Variants in CDH12 observed in about 807,000 individuals in gnomAD.
The protein encoded by CDH12 is cadherin-12.
Under a neutral mutation model 74.1 loss-of-function variants are expected in CDH12, and 41 were observed. That is an observed-to-expected ratio of 0.55 (90% confidence interval 0.43 to 0.72). The LOEUF is 0.72. Among genes scored for constraint, CDH12 ranks in the 30% least tolerant of loss-of-function variants. The pLI, the probability that CDH12 is intolerant of heterozygous loss-of-function variation, is 0.00. For missense variants in CDH12, 945 were observed against 977.2 expected (o/e 0.97, Z 0.44); for synonymous variants, 399 against 355.0 (o/e 1.12, Z -1.39).
Position 22,032,219 on chromosome 5 carries a change from G to C in CDH12, c.231+46227C>G, listed in dbSNP as rs186987412. ...TATAATGTGCATATCTAGTTAAAAAGAAATACATTCTGGGAATTACTGATA... is the reference window on the plus strand; with the variant it reads ...TATAATGTGCATATCTAGTTAAAAACAAATACATTCTGGGAATTACTGATA... On this transcript the variant is annotated intron_variant, in intron 5 of 14. Coordinates refer to ENST00000382254, the MANE Select transcript of CDH12 (RefSeq NM_004061.5). 6.1e-4 allele frequency among the ~76,000 whole-genome samples: 93 copies of C among 151,906 alleles called. 1 individual carries two copies. The highest frequency in any genetic ancestry group is 9.6e-4 in the Non-Finnish European group (65 of 67,954).
chr5:21,830,053 T>C lies in CDH12; in HGVS notation c.814+12108A>G, dbSNP rs564702359. ...ATCTCTACTAAAAATACAAAAATTA[T>C]CTGGGTATGTTGGCGGGTGCCTGTA... On this transcript the variant is annotated intron_variant, in intron 8 of 14. Transcript: ENST00000382254. 2.2e-4 allele frequency among the ~76,000 whole-genome samples: 33 copies of C among 151,318 alleles called. No individual in the cohort carries two copies. The East Asian group carries it at 5.1e-3, about 23-fold the overall frequency.
intron 1 of CDH12, among the ~76,000 whole-genome samples, chr5:22,830,441 CTT>C (rs969506932): frequency 2.6e-5 from 4 of 151,800 alleles, no homozygotes; most frequent in Admixed American, 1.3e-4. Flanking sequence ...AGAGTATTGA[CTT>C]GAGTTATCTG....
chr5:22,188,701 C>T (rs941637450), intron 4 of CDH12, among the ~76,000 whole-genome samples: 10 of 152,170 alleles, frequency 6.6e-5, no homozygotes, highest in Admixed American at 6.5e-4. Context: ...TATACTCTCG[C>T]TTTGGAGCTA....
At chr5:22,783,489 T>C (rs1747481926) in intron 1 of CDH12, among the ~76,000 whole-genome samples, 1 of 152,126 alleles carries the variant, frequency 6.6e-6, no homozygotes, top group Non-Finnish European at 1.5e-5. Flanking sequence ...CTCAGGTAGG[T>C]GAGTTAAAAA....
At chr5:22,774,185 T>G (rs1746966948) in intron 1 of CDH12, among the ~76,000 whole-genome samples, 1 of 152,160 alleles carries the variant, frequency 6.6e-6, no homozygotes, top group Admixed American at 6.6e-5. Flanking sequence ...TGTATGTTCA[T>G]TGTAGCACTA....
chr5:21,795,058 G>T (rs1422384887), intron 10 of CDH12, among the ~76,000 whole-genome samples: 1 of 151,376 alleles, frequency 6.6e-6, no homozygotes, highest in African/African-American at 2.4e-5. Flanking sequence ...CATCTTTTTT[G>T]AGACCTCCAT....
At chr5:22,365,420 G>T (rs1740988472) in intron 3 of CDH12, among the ~76,000 whole-genome samples, 1 of 152,142 alleles carries the variant, frequency 6.6e-6, no homozygotes, top group Non-Finnish European at 1.5e-5. Context: ...ATTATTAAAT[G>T]ACTTCTAGAT....
intron 1 of CDH12, among the ~76,000 whole-genome samples, chr5:22,536,983 A>T (rs968474525): frequency 2.6e-5 from 4 of 151,828 alleles, no homozygotes; most frequent in African/African-American, 9.7e-5. Flanking sequence ...TAAAGGCCTA[A>T]CTCTTGGTTT....
At chr5:22,117,815 G>T (rs1169963575) in intron 4 of CDH12, among the ~76,000 whole-genome samples, 1 of 108,882 alleles carries the variant, frequency 9.2e-6, no homozygotes, top group East Asian at 2.5e-4. Context: ...AATATCCTAT[G>T]TGAAAAAAAT....
At chr5:21,832,942 A>ATT (rs201868495) in intron 8 of CDH12, among the ~76,000 whole-genome samples, 38,833 of 96,396 alleles carry the variant, frequency 0.4, 9,966 homozygotes, top group African/African-American at 0.74. Flanking sequence ...TATTATATAT[A>ATT]ATATCATATT....
rs375052774 is a variant in CDH12 at position 21,942,220 on chromosome 5, A to G, written c.526+32871T>C. ...AAGAGAGTAGAAGCTCTTGATCTTCACCTATGTGACTCTATTTTAGTCTTT... is the reference window on the plus strand; with the variant it reads ...AAGAGAGTAGAAGCTCTTGATCTTCGCCTATGTGACTCTATTTTAGTCTTT... On this transcript the variant is annotated intron_variant, in intron 6 of 14. Transcript: ENST00000382254. Among the ~76,000 whole-genome samples, 30 of 152,028 alleles carry G rather than the reference A, an allele frequency of 2.0e-4. No homozygotes were observed. The South Asian group carries it at 5.2e-3, about 26-fold the overall frequency.
intron 4 of CDH12, among the ~76,000 whole-genome samples, chr5:22,110,606 G>C (rs939479756): frequency 3.9e-5 from 6 of 152,120 alleles, no homozygotes; most frequent in African/African-American, 1.2e-4. Context: ...GGTGGGTCCA[G>C]ATGGAGTAAT....
chr5:22,017,714 C>T (rs1484380795), intron 5 of CDH12, among the ~76,000 whole-genome samples: 2 of 151,386 alleles, frequency 1.3e-5, no homozygotes, highest in Non-Finnish European at 2.9e-5. Context: ...GATGCAGAGA[C>T]ATCTGAGCTG....
At chr5:22,810,964 C>T (rs1749109655) in intron 1 of CDH12, among the ~76,000 whole-genome samples, 1 of 149,898 alleles carries the variant, frequency 6.7e-6, no homozygotes, top group South Asian at 2.1e-4. Flanking sequence ...TACATATATA[C>T]TTACATATAT....
chr5:22,428,650 T>C (rs977706522), intron 2 of CDH12, among the ~76,000 whole-genome samples: 2 of 152,154 alleles, frequency 1.3e-5, no homozygotes, highest in African/African-American at 2.4e-5. Flanking sequence ...ACTATGTGCT[T>C]AGCCCTGGGT....
intron 5 of CDH12, among the ~76,000 whole-genome samples, chr5:22,073,905 T>C (rs546060391): frequency 6.6e-6 from 1 of 152,206 alleles, no homozygotes; most frequent in African/African-American, 2.4e-5. Flanking sequence ...CAATGGGAAC[T>C]ATACAAATTA....
chr5:21,841,310 A>T (rs1381357130), intron 8 of CDH12, among the ~76,000 whole-genome samples: 4 of 152,166 alleles, frequency 2.6e-5, no homozygotes, highest in Non-Finnish European at 5.9e-5. Context: ...ACAATGAGAT[A>T]TCGTCTCACA....
intron 5 of CDH12, among the ~76,000 whole-genome samples, chr5:22,048,775 C>G (rs887478513): frequency 7.2e-5 from 11 of 151,932 alleles, no homozygotes; most frequent in Non-Finnish European, 1.5e-4. Flanking sequence ...GAAATACAAA[C>G]AAACAAAAAT....
chr5:22,694,152 C>A (rs1187334011), intron 1 of CDH12, among the ~76,000 whole-genome samples: 2 of 152,052 alleles, frequency 1.3e-5, no homozygotes, highest in Non-Finnish European at 2.9e-5. Flanking sequence ...GTTGCCCAGG[C>A]TGACCTCTTT....
Sources: gnomAD v4.1 joint callset for allele counts (sites outside exome capture counted in the v4.1 genomes callset) on GRCh38, gnomAD v4.1.1 for gene constraint, MANE v1.5 for transcripts, NCBI Gene and HGNC (gene_info 2026-07-23, HGNC 2026-07-21) for gene names.